Variants in BCKDK observed in about 807,000 individuals in gnomAD.
BCKDK encodes the protein branched-chain alpha-ketoacid dehydrogenase kinase.
In BCKDK, 28 loss-of-function variants were observed where a neutral mutation model predicts 43.9. That is an observed-to-expected ratio of 0.64 (90% CI 0.47 to 0.87). The LOEUF (loss-of-function observed/expected upper bound fraction) is 0.87. BCKDK is among the 40% of genes least tolerant of loss of function. The pLI is 0.00. For missense variants in BCKDK, 483 were observed against 581.4 expected (o/e 0.83, Z 1.74); for synonymous variants, 257 against 234.3 (o/e 1.10, Z -0.88).
chr16:31,112,274 C>T lies in BCKDK; in HGVS notation c.*9C>T, dbSNP rs199965337. On this transcript the variant is annotated 3_prime_UTR_variant, in exon 12 of 12. Transcript: ENST00000219794. This position sits in a 1 kb window ranked among gnomAD's most constrained non-coding sequence, Gnocchi z 5.0. ...AAAGCTTCCGGATCTGACCCCACAGCCTTTGGCCTGCTCACCCGACCAGCC... is the reference window on the plus strand; with the variant it reads ...AAAGCTTCCGGATCTGACCCCACAGTCTTTGGCCTGCTCACCCGACCAGCC... 8.7e-4 allele frequency: 1,406 copies of T among 1,606,882 alleles called. 2 individuals carry two copies. Among genetic ancestry groups the T allele is most frequent in the Admixed American group, 2.8e-3 (169 of 60,028 alleles).
rs1380106311 is a variant in BCKDK, at chr16:31,108,496, C to T, written c.-178+17C>T. 5 of 152,352 alleles carry T rather than the reference C, an allele frequency of 3.3e-5. No homozygotes were observed. The East Asian group carries it at 7.7e-4, about 24-fold the overall frequency. The allele number at this position is 152,352 out of a possible 1,614,324, so 9.4% of individuals were successfully genotyped here. On this transcript the variant is annotated intron_variant, in intron 1 of 11. Transcript: ENST00000219794. This position sits in a 1 kb window ranked among gnomAD's most constrained non-coding sequence, Gnocchi z 6.2. ...GGCCCCGCGGTAAGTGGGGCGACCC[C>T]AGCCTACTCAGTCCGCGGAGGCCCC...
Position 31,111,196 on chromosome 16 carries a change from G to C in BCKDK, c.822G>C (p.Pro274=), listed in dbSNP as rs55884792. The C allele has an allele frequency of 1.2e-5, 19 of 1,614,034 alleles. No homozygotes were observed. The Admixed American group carries it at 2.8e-4, about 24-fold the overall frequency. Residue 274 remains proline, a synonymous_variant, in exon 9 of 12, where the codon CCG becomes CCC. Transcript: ENST00000219794. ...CTATGCCACTGGACTACATCCTGCC[G>C]GAGCTGCTCAAGAATGCCATGAGGT... ...FIPMPLDYIL[P]ELLKNAMRAT...
chr16:31,110,997 A>G lies in BCKDK; in HGVS notation c.717-94A>G. 1 of 1,562,694 alleles carries G rather than the reference A, an allele frequency of 6.4e-7. No homozygotes were observed. On this transcript the variant is annotated intron_variant, in intron 8 of 11. Transcript: ENST00000219794. The surrounding 1 kb of genome is among the most constrained non-coding windows in gnomAD (Gnocchi z 5.4). ...TTGTGACAAACAAAAATGTCTCTGC[A>G]CATTGCCATATGTTACTTAGGGGGG...
chr16:31,110,001 C>T lies in BCKDK; in HGVS notation c.376-76C>T, dbSNP rs1191445041. The stretch of plus-strand genomic sequence containing the variant: ...GGTCGACCAGCTGGGTGGTGATCCC[C>T]ATGGGTAGGTGGGGGTGGCTGTTCT... On this transcript the variant is annotated intron_variant, in intron 4 of 11. Transcript: ENST00000219794. The surrounding 1 kb of genome is among the most constrained non-coding windows in gnomAD (Gnocchi z 5.4). 1.3e-6 allele frequency: 2 copies of T among 1,596,532 alleles called. No homozygotes were observed. Among genetic ancestry groups the T allele is most frequent in the Non-Finnish European group, 1.7e-6 (2 of 1,164,696 alleles).
rs1397167721 is a variant in BCKDK at position 31,110,690 on chromosome 16, T to C, written c.645T>C (p.Pro215=). 6.2e-7 allele frequency: 1 copy of C among 1,613,966 alleles called. No individual in the cohort carries two copies. The highest frequency in any genetic ancestry group is 8.5e-7 in the Non-Finnish European group (1 of 1,180,010). ...THHLALHEDK[P]DFVGIICTRL... ...CCTGACCTCCTTTCTCCGGCCAGCC[T>C]GACTTTGTCGGCATCATCTGTACTC... Residue 215 remains proline, a splice_region_variant and synonymous_variant, in exon 8 of 12, where the codon CCT becomes CCC. Transcript: ENST00000219794. This position sits in a 1 kb window ranked among gnomAD's most constrained non-coding sequence, Gnocchi z 5.4.
At chr16:31,117,632 G>A (rs1230417382), downstream of BCKDK, 7 of 1,339,250 alleles carry the variant, frequency 5.2e-6, no homozygotes, top group Non-Finnish European at 6.8e-6. Flanking sequence ...CTGACCCGGA[G>A]CCAAAAGAAC....
At chr16:31,111,676 T>G (rs1191423162) in intron 10 of BCKDK, among the ~76,000 whole-genome samples, 193 bp from the exon 11 acceptor site, 1 of 152,062 alleles carries the variant, frequency 6.6e-6, no homozygotes, top group African/African-American at 2.4e-5. Context: ...TGTCACATCC[T>G]GTGAGAAGGT....
chr16:31,114,935 T>TC (rs1486297713), downstream of BCKDK, among the ~76,000 whole-genome samples: 3 of 152,164 alleles, frequency 2.0e-5, no homozygotes. Flanking sequence ...TTTTTCTTTT[T>TC]CTTTTTTGAG....
chr16:31,114,977 T>G (rs1596813527), downstream of BCKDK, among the ~76,000 whole-genome samples: 1 of 152,080 alleles, frequency 6.6e-6, no homozygotes, highest in South Asian at 2.1e-4. Context: ...CAGGTTGGAG[T>G]GCAGTGGCGC....
At chr16:31,117,094 G>A (rs1362648754), downstream of BCKDK, among the ~76,000 whole-genome samples, 6 of 152,066 alleles carry the variant, frequency 3.9e-5, no homozygotes, top group Non-Finnish European at 8.8e-5. Flanking sequence ...TCAGCTGGCC[G>A]GGCACGGTGG....
chr16:31,109,475 G>C lies in BCKDK; in HGVS notation c.196-36G>C. On this transcript the variant is annotated intron_variant, in intron 2 of 11. Coordinates refer to ENST00000219794, the MANE Select transcript of BCKDK (RefSeq NM_005881.4). The surrounding 1 kb of genome is among the most constrained non-coding windows in gnomAD (Gnocchi z 5.3). ...GGATGTAGGCGGGAGGGAGAGTGTT[G>C]GGGGTTCTCTGCTCAAGGCCTCTCT... 1.2e-6 allele frequency: 2 copies of C among 1,613,616 alleles called. No individual in the cohort carries two copies. Among genetic ancestry groups the C allele is most frequent in the Non-Finnish European group, 1.7e-6 (2 of 1,179,888 alleles).
chr16:31,117,462 G>C, downstream of BCKDK: 1 of 400,936 alleles, frequency 2.5e-6, no homozygotes, highest in East Asian at 3.6e-5. Context: ...CTCACCCATA[G>C]GCTGCAGCCA....
chr16:31,117,224 G>C (rs1207397419), downstream of BCKDK, among the ~76,000 whole-genome samples: 6 of 151,536 alleles, frequency 4.0e-5, no homozygotes, highest in Non-Finnish European at 8.8e-5. Flanking sequence ...ACAAAAATTA[G>C]ATGGGCGTGG....
downstream of BCKDK, chr16:31,117,405 A>ATAAATAAATAAAT (rs2057454966): frequency 3.2e-5 from 7 of 217,022 alleles, no homozygotes; most frequent in South Asian, 3.1e-3. Context: ...AATAAATTAA[A>ATAAATAAATAAAT]AAAAGGTTGA....
At chr16:31,113,392 C>T (rs185348424), downstream of BCKDK, among the ~76,000 whole-genome samples, 731 of 152,318 alleles carry the variant, frequency 4.8e-3, 4 homozygotes, top group Admixed American at 9.1e-3. Flanking sequence ...AGCTGCAAGG[C>T]AGGGTGCTGA....
rs2143943820 is a variant in BCKDK at position 31,111,325 on chromosome 16, A to G, written c.871A>G (p.Thr291Ala). 6.2e-7 allele frequency: 1 copy of G among 1,613,852 alleles called. No individual in the cohort carries two copies. Among genetic ancestry groups the G allele is most frequent in the African/African-American group, 1.3e-5 (1 of 74,926 alleles). Residue 291 changes from threonine (T) to alanine (A), a missense_variant, in exon 10 of 12, where the codon ACT becomes GCT. By Grantham distance (58) the Thr-to-Ala change is moderately conservative. Coordinates refer to ENST00000219794, the MANE Select transcript of BCKDK (RefSeq NM_005881.4). The stretch of plus-strand genomic sequence containing the variant: ...AGCCACAATGGAGAGTCACCTAGAC[A>G]CTCCCTACAATGTCCCAGATGTGGT... Reference protein sequence around the residue: ...MRATMESHLDTPYNVPDVVIT... With the variant: ...MRATMESHLDAPYNVPDVVIT...
In BCKDK at chr16:31,111,327, T is replaced by G. The variant is rs2057411107; in HGVS notation, c.873T>G (p.Thr291=). Residue 291 remains threonine (T), a synonymous_variant, in exon 10 of 12, where the codon ACT becomes ACG. Transcript: ENST00000219794. ...CCACAATGGAGAGTCACCTAGACAC[T>G]CCCTACAATGTCCCAGATGTGGTCA... ...MRATMESHLD[T]PYNVPDVVIT... is the part of the protein sequence containing the mutation. The G allele has an allele frequency of 6.2e-7, 1 of 1,613,990 alleles. No individual in the cohort carries two copies. Among genetic ancestry groups the G allele is most frequent in the African/African-American group, 1.3e-5 (1 of 74,896 alleles).
chr16:31,117,403 A>AAATAAATAAATTT (rs1567432271), downstream of BCKDK: 2 of 284,196 alleles, frequency 7.0e-6, no homozygotes, highest in South Asian at 1.7e-4. Flanking sequence ...TAAATAAATT[A>AAATAAATAAATTT]AAAAAAGGTT....
rs111551851 is a variant in BCKDK, at chr16:31,112,142, G to A, written c.1116G>A (p.Thr372=). The A allele has an allele frequency of 1.2e-5, 19 of 1,612,204 alleles. No individual in the cohort carries two copies. The highest frequency in any genetic ancestry group is 1.6e-5 in the Non-Finnish European group (19 of 1,178,816). Reference sequence around the variant, plus strand: ...CCAGCTTTGGCTTCGGGTTGCCCACGTCACGGGCCTACGCGGAGTACCTCG... The same window carrying A: ...CCAGCTTTGGCTTCGGGTTGCCCACATCACGGGCCTACGCGGAGTACCTCG... ...PMHGFGFGLP[T]SRAYAEYLGG... The change falls in exon 12 of 12, where the codon ACG becomes ACA. Residue 372 remains threonine (T), a synonymous_variant. Transcript: ENST00000219794. The surrounding 1 kb of genome is among the most constrained non-coding windows in gnomAD (Gnocchi z 5.0).
Sources: gnomAD v4.1 joint callset for allele counts (sites outside exome capture counted in the v4.1 genomes callset) on GRCh38, gnomAD v4.1.1 for gene constraint, Gnocchi (gnomAD v3.1) non-coding constraint, MANE v1.5 for transcripts, NCBI Gene and HGNC (gene_info 2026-07-23, HGNC 2026-07-21) for gene names.